DNAJC5B: variants seen among roughly 807,000 people sequenced by gnomAD.
DNAJC5B encodes dnaJ homolog subfamily C member 5B.
A neutral mutation model predicts 24.7 loss-of-function variants in DNAJC5B; 23 were observed. That is an observed-to-expected ratio of 0.93 (90% confidence interval 0.67 to 1.32). The LOEUF (loss-of-function observed/expected upper bound fraction) is 1.32. Among genes scored for constraint, DNAJC5B ranks in the 40% most tolerant of loss-of-function variants. The pLI is 0.00. For missense variants in DNAJC5B, 238 were observed against 240.8 expected (o/e 0.99, Z 0.08); for synonymous variants, 101 against 90.1 (o/e 1.12, Z -0.68).
intron 1 of DNAJC5B, among the ~76,000 whole-genome samples, chr8:66,042,887 A>G (rs922752598): frequency 1.3e-5 from 2 of 152,078 alleles, no homozygotes; most frequent in African/African-American, 2.4e-5. Context: ...GTCTTGGTAA[A>G]CAGCACACTT....
At chr8:66,064,376 C>G (rs917512595) in intron 3 of DNAJC5B, among the ~76,000 whole-genome samples, 3 of 152,116 alleles carry the variant, frequency 2.0e-5, no homozygotes, top group Non-Finnish European at 2.9e-5. Context: ...AAGCCAGAAG[C>G]CGGCAGGAGG....
At chr8:66,022,293 T>C (rs1016447775) in intron 1 of DNAJC5B, among the ~76,000 whole-genome samples, 3 of 152,196 alleles carry the variant, frequency 2.0e-5, no homozygotes, top group Non-Finnish European at 4.4e-5. Flanking sequence ...GCTTCTACAA[T>C]ACTTGTTTCT....
intron 3 of DNAJC5B, among the ~76,000 whole-genome samples, chr8:66,070,736 T>G (rs1053457070): frequency 1.3e-5 from 2 of 152,178 alleles, no homozygotes. Context: ...AGAGCCCGCA[T>G]AGCCAAGACA....
At chr8:66,061,634 T>TGC (rs745990774) in intron 3 of DNAJC5B, among the ~76,000 whole-genome samples, 9 of 150,764 alleles carry the variant, frequency 6.0e-5, no homozygotes, top group African/African-American at 7.4e-5. Context: ...TGTGTGTGTG[T>TGC]GCGCGTGTAT....
At chr8:66,078,577 G>C (rs1432498975) in intron 4 of DNAJC5B, among the ~76,000 whole-genome samples, 1 of 152,102 alleles carries the variant, frequency 6.6e-6, no homozygotes, top group Non-Finnish European at 1.5e-5. Flanking sequence ...TATGGGAATT[G>C]CATGGTAAAA....
intron 5 of DNAJC5B, among the ~76,000 whole-genome samples, chr8:66,091,650 A>C (rs1354382139): frequency 6.6e-6 from 1 of 152,332 alleles, no homozygotes; most frequent in East Asian, 1.9e-4. Flanking sequence ...ATGCTTAGAC[A>C]AAGGTTCAAA....
intron 2 of DNAJC5B, among the ~76,000 whole-genome samples, chr8:66,048,639 A>C (rs1451471513): frequency 6.6e-6 from 1 of 152,140 alleles, no homozygotes; most frequent in Non-Finnish European, 1.5e-5. Context: ...TCAGTCCCCA[A>C]ACCCAGAAGT....
At chr8:66,034,302 G>T (rs1806431892) in intron 1 of DNAJC5B, among the ~76,000 whole-genome samples, 1 of 151,870 alleles carries the variant, frequency 6.6e-6, no homozygotes, top group South Asian at 2.1e-4. Flanking sequence ...CACAGAGGGT[G>T]CTGGGTAGGG....
intron 3 of DNAJC5B, among the ~76,000 whole-genome samples, chr8:66,068,150 T>C (rs932648306): frequency 6.6e-6 from 1 of 152,232 alleles, no homozygotes; most frequent in African/African-American, 2.4e-5. Flanking sequence ...TTCTTAAATA[T>C]GTTTTAATGC....
intron 5 of DNAJC5B, 63 bp downstream of exon 5, chr8:66,080,611 C>A: frequency 7.1e-7 from 1 of 1,400,222 alleles, no homozygotes; most frequent in Non-Finnish European, 9.6e-7. Context: ...AGCACCAGGT[C>A]CCACGGGGAC....
chr8:66,047,171 C>T (rs974270757), intron 2 of DNAJC5B, among the ~76,000 whole-genome samples: 1 of 152,186 alleles, frequency 6.6e-6, no homozygotes, highest in African/African-American at 2.4e-5. Flanking sequence ...TTAGATTAGT[C>T]GAATTTTAAC....
chr8:66,044,587 T>A (rs1248925182), intron 2 of DNAJC5B, among the ~76,000 whole-genome samples: 1 of 152,150 alleles, frequency 6.6e-6, no homozygotes, highest in African/African-American at 2.4e-5. Flanking sequence ...CCTATTGTCA[T>A]TGGGGGGTTG....
At chr8:66,087,701 C>A (rs1013847039) in intron 5 of DNAJC5B, among the ~76,000 whole-genome samples, 4 of 152,180 alleles carry the variant, frequency 2.6e-5, no homozygotes, top group Admixed American at 2.6e-4. Flanking sequence ...AAGTCTGAAA[C>A]CTGGCTGGGC....
At chr8:66,042,122 G>T (rs1806623658) in intron 1 of DNAJC5B, among the ~76,000 whole-genome samples, 2 of 152,024 alleles carry the variant, frequency 1.3e-5, no homozygotes, top group African/African-American at 4.8e-5. Context: ...CCATTTGATT[G>T]CTCACTGCCT....
chr8:66,015,548 G>C, the DNAJC5B span, among the ~76,000 whole-genome samples: 70,947 of 151,544 alleles, frequency 0.47, 21,345 homozygotes, highest in African/African-American at 0.86. Context: ...AAGGGAGAGC[G>C]AGAAATGAGA....
At chr8:66,063,376 A>G (rs1807124521) in intron 3 of DNAJC5B, among the ~76,000 whole-genome samples, 1 of 152,228 alleles carries the variant, frequency 6.6e-6, no homozygotes, top group South Asian at 2.1e-4. Flanking sequence ...GCTTATGAAT[A>G]AAGTGTAAAT....
intron 5 of DNAJC5B, among the ~76,000 whole-genome samples, chr8:66,087,916 T>C (rs1807763905): frequency 1.3e-5 from 2 of 152,182 alleles, no homozygotes; most frequent in Non-Finnish European, 2.9e-5. Flanking sequence ...TTGATGGATC[T>C]ACCTTTCTAG....
At position 66,033,407 on chromosome 8, in the gene DNAJC5B, C is replaced by T. The variant is rs539150045; in HGVS notation, c.-141-10081C>T. ...AGATTCCTAATTGACTAGAATATGA[C>T]TCACTTAGGACTCCCATTCCCAGAG... On this transcript the variant is annotated intron_variant, in intron 1 of 5. Transcript: ENST00000276570. 8.1e-4 allele frequency among the ~76,000 whole-genome samples: 124 copies of T among 152,370 alleles called. 1 individual carries two copies. The highest frequency in any genetic ancestry group is 6.8e-3 in the Middle Eastern group (2 of 294).
At chr8:66,017,345 C>A (rs909478888), upstream of DNAJC5B, among the ~76,000 whole-genome samples, 1 of 152,210 alleles carries the variant, frequency 6.6e-6, no homozygotes, top group Non-Finnish European at 1.5e-5. Context: ...AAAATGAATT[C>A]TGTTGGGGTA....
Sources: allele counts gnomAD v4.1 joint callset (sites outside exome capture counted in the v4.1 genomes callset), GRCh38; gene constraint gnomAD v4.1.1; transcripts MANE v1.5; gene names NCBI Gene and HGNC (gene_info 2026-07-23, HGNC 2026-07-21).